The following FIBP variants were observed in gnomAD, a reference collection of about 807,000 sequenced individuals.
FIBP encodes the protein acidic fibroblast growth factor intracellular-binding protein.
Under a neutral mutation model 40.5 loss-of-function variants are expected in FIBP, and 29 were observed. The ratio of observed to expected loss-of-function variants is 0.72; its 90% CI spans 0.53 to 0.98. The LOEUF (loss-of-function observed/expected upper bound fraction) is 0.98, where lower values mean the gene tolerates loss of function less well. FIBP is among the 50% of genes least tolerant of loss of function. The pLI, the probability that FIBP is intolerant of heterozygous loss-of-function variation, is 0.00. For missense variants in FIBP, 411 were observed against 470.2 expected (o/e 0.87, Z 1.16); for synonymous variants, 215 against 191.1 (o/e 1.13, Z -1.03).
chr11:65,884,473 C>G lies in FIBP; in HGVS notation c.923G>C (p.Arg308Pro). The G allele has an allele frequency of 6.2e-7, 1 of 1,614,160 alleles. No individual in the cohort carries two copies. Among genetic ancestry groups the G allele is most frequent in the Non-Finnish European group, 8.5e-7 (1 of 1,180,038 alleles). ...GTCGCTGAGTGGCCAGTGGTCGGAG[C>G]GGCAGGGTTCCACAAACTGCGGGCC... ...DLVEKFVEPC[R>P]SDHWPLSDVR... Residue 308 changes from arginine to proline, a missense_variant, in exon 9 of 10, where the codon CGC (arginine) becomes CCC (proline). Transcript: ENST00000357519.
In FIBP at chr11:65,885,193, G is replaced by C; in HGVS notation, c.647-7C>G. On this transcript the variant is annotated splice_region_variant and splice_polypyrimidine_tract_variant and intron_variant, in intron 5 of 9. Coordinates refer to ENST00000357519, the MANE Select transcript of FIBP (RefSeq NM_004214.5). ...ATGTCATCCATCTGTGAGTCTGTGA[G>C]GCCATGAAGGGGGTGGGGGTGGGTG... is the stretch of plus-strand genomic sequence containing the variant. The C allele has an allele frequency of 6.6e-7, 1 of 1,518,154 alleles. No individual in the cohort carries two copies. The highest frequency in any genetic ancestry group is 1.1e-5 in the South Asian group (1 of 89,058). The allele number at this position is 1,518,154 out of a possible 1,614,324, so 94.0% of individuals were successfully genotyped here. A position where few individuals can be genotyped will look rare whatever the true frequency, so the allele number is the denominator to read the frequency against.
intron 4 of FIBP, 143 bp downstream of exon 4, chr11:65,886,169 TAAAAAAAAAA>T (rs5792375): frequency 3.3e-5 from 11 of 336,768 alleles, no homozygotes; most frequent in African/African-American, 3.1e-5. Flanking sequence ...TCCGTCTCAT[TAAAAAAAAAA>T]AAAAAAAAAA....
Position 65,888,323 on chromosome 11 carries a change from C to G in FIBP, c.85+11G>C. On this transcript the variant is annotated intron_variant, in intron 1 of 9. Transcript: ENST00000357519. The stretch of plus-strand genomic sequence containing the variant: ...TCCGCCGACTGGCTTCCCCACACGC[C>G]CCTCACGGACCCGAGTAACCATCGA... The G allele has an allele frequency of 6.5e-7, 1 of 1,549,970 alleles. No individual in the cohort carries two copies.
intron 5 of FIBP, 63 bp downstream of exon 5, chr11:65,885,467 G>A: frequency 2.5e-6 from 4 of 1,576,380 alleles, no homozygotes; most frequent in Non-Finnish European, 3.4e-6. Context: ...AGAAACTACT[G>A]GTGGGGAATC....
rs776892243 is a variant in FIBP at position 65,884,509 on chromosome 11, C to G, written c.907-20G>C. On this transcript the variant is annotated intron_variant, in intron 8 of 9. Transcript: ENST00000357519. ...CACAAACTGCGGGCCCAAGAGAATA[C>G]TTAGCACTTGTATAGGCCAGGGACA... The G allele has an allele frequency of 2.5e-6, 4 of 1,614,162 alleles. No homozygotes were observed. The highest frequency in any genetic ancestry group is 3.4e-6 in the Non-Finnish European group (4 of 1,179,990).
At position 65,884,610 on chromosome 11, in the gene FIBP, T is replaced by C. The variant is rs1234887385; in HGVS notation, c.866A>G (p.Asn289Ser). ...CACAAACAGGTCTCTGACATCTTTA[T>C]TGTGGGTCAGCTTGGCGGCCACGTT... ...LVNVAAKLTH[N>S]KDVRDLFVDL... Residue 289 changes from asparagine (N) to serine (S), a missense_variant, in exon 8 of 10, where the codon AAT becomes AGT. Physicochemically the swap from Asn to Ser is conservative, Grantham distance 46. Transcript: ENST00000357519. 1.9e-6 allele frequency: 3 copies of C among 1,614,188 alleles called. No homozygotes were observed. The highest frequency in any genetic ancestry group is 2.5e-6 in the Non-Finnish European group (3 of 1,180,010).
intron 2 of FIBP, 41 bp downstream of exon 2, chr11:65,887,893 T>C (rs374683697): frequency 1.4e-5 from 23 of 1,602,518 alleles, no homozygotes; most frequent in Non-Finnish European, 2.0e-5. Flanking sequence ...GGGTATACAG[T>C]CAGACTGGTT....
intron 5 of FIBP, 161 bp downstream of exon 5, chr11:65,885,369 T>C: frequency 1.1e-6 from 1 of 950,784 alleles, no homozygotes; most frequent in Non-Finnish European, 1.6e-6. Context: ...GCAGACAAGG[T>C]GTGTGTGGGG....
intron 3 of FIBP, chr11:65,887,157 CA>C (rs1355908700): frequency 7.2e-5 from 24 of 333,388 alleles, no homozygotes; most frequent in Non-Finnish European, 1.3e-4. Context: ...TTGGAAGGCA[CA>C]ACAGGGAGCC....
At chr11:65,885,770 T>C in intron 4 of FIBP, 107 bp from the exon 5 acceptor site, 1 of 1,128,852 alleles carries the variant, frequency 8.9e-7, no homozygotes, top group Non-Finnish European at 1.3e-6. Flanking sequence ...TCTCTCTGCC[T>C]CAAGTCACTG....
At chr11:65,884,107 C>G (rs1263785591) in intron 9 of FIBP, 64 bp from the exon 10 acceptor site, 2 of 1,320,362 alleles carry the variant, frequency 1.5e-6, no homozygotes, top group Middle Eastern at 3.6e-4. Flanking sequence ...AGGCCCTGCC[C>G]TGCGTGCTTT....
chr11:65,885,491 G>A, intron 5 of FIBP, 39 bp downstream of exon 5: 1 of 1,599,684 alleles, frequency 6.3e-7, no homozygotes, highest in Non-Finnish European at 8.5e-7. Context: ...TCCTGAGGAT[G>A]GGGAGGCGTC....
intron 5 of FIBP, 112 bp downstream of exon 5, chr11:65,885,418 A>T (rs1248290078): frequency 2.2e-6 from 3 of 1,358,246 alleles, no homozygotes; most frequent in Non-Finnish European, 2.0e-6. Flanking sequence ...GGTGGGGGCC[A>T]TGAACAGGAG....
At position 65,884,997 on chromosome 11, in the gene FIBP, G is replaced by C. The variant is rs1031596283; in HGVS notation, c.757C>G (p.Leu253Val). Reference protein sequence around the residue: ...DKDLLDLHKSLVCTALRGKLG... With the variant: ...DKDLLDLHKSVVCTALRGKLG... Reference sequence around the variant, plus strand: ...TTTCCCCGGAGAGCAGTGCACACCAGGCTGCAGAGAGACAGGGTCACGCCT... The same window carrying C: ...TTTCCCCGGAGAGCAGTGCACACCACGCTGCAGAGAGACAGGGTCACGCCT... The change falls in exon 7 of 10, where the codon CTG becomes GTG. Residue 253 changes from leucine to valine, a missense_variant and splice_region_variant. Transcript: ENST00000357519. 7.4e-6 allele frequency: 12 copies of C among 1,614,204 alleles called. No individual in the cohort carries two copies. The highest frequency in any genetic ancestry group is 1.0e-5 in the Non-Finnish European group (12 of 1,180,040).
intron 7 of FIBP, 119 bp downstream of exon 7, chr11:65,884,816 C>T (rs1860189155): frequency 7.3e-7 from 1 of 1,372,876 alleles, no homozygotes; most frequent in Non-Finnish European, 1.0e-6. Context: ...CAGCGGCCAC[C>T]AGAGGGAGCA....
chr11:65,886,189 AAGTACAGACC>A, intron 4 of FIBP, 123 bp downstream of exon 4: 5 of 529,434 alleles, frequency 9.4e-6, no homozygotes, highest in South Asian at 5.4e-5. Context: ...AAAAAAAAAA[AAGTACAGACC>A]AAAAGTGGGA....
chr11:65,884,530 G>A (rs767280667), intron 8 of FIBP, 40 bp downstream of exon 8: 5 of 1,613,878 alleles, frequency 3.1e-6, no homozygotes, highest in African/African-American at 1.3e-5. Flanking sequence ...TATAGGCCAG[G>A]GACAGACCAG....
chr11:65,883,887 G>C lies in FIBP; in HGVS notation c.*87C>G. 8.5e-7 allele frequency: 1 copy of C among 1,170,044 alleles called. No homozygotes were observed. The highest frequency in any genetic ancestry group is 1.2e-6 in the Non-Finnish European group (1 of 801,618). The allele number at this position is 1,170,044 out of a possible 1,614,324, so 72.5% of individuals were successfully genotyped here. On this transcript the variant is annotated 3_prime_UTR_variant, in exon 10 of 10. Coordinates refer to ENST00000357519, the MANE Select transcript of FIBP (RefSeq NM_004214.5). Reference sequence around the variant, plus strand: ...GAGACAGACACAGGCACATCTGCACGCCCCCCACTTGCTCCCCGGAGCGAG... The same window carrying C: ...GAGACAGACACAGGCACATCTGCACCCCCCCCACTTGCTCCCCGGAGCGAG...
At chr11:65,887,535 C>A (rs777281256) in intron 3 of FIBP, 65 bp downstream of exon 3, 581 of 1,571,052 alleles carry the variant, frequency 3.7e-4, no homozygotes, top group Non-Finnish European at 4.5e-4. Flanking sequence ...GGAACTGGGC[C>A]AGTGGCCAAA....
Sources: allele counts gnomAD v4.1 joint callset, GRCh38; gene constraint gnomAD v4.1.1; transcripts MANE v1.5; gene names NCBI Gene and HGNC (gene_info 2026-07-23, HGNC 2026-07-21).